Variants in ESR1 observed in about 807,000 individuals in gnomAD.
ESR1 encodes the protein estrogen receptor.
In ESR1, 12 loss-of-function variants were observed where a neutral mutation model predicts 52.7. That is an observed-to-expected ratio of 0.23 (90% confidence interval 0.15 to 0.37). The LOEUF (loss-of-function observed/expected upper bound fraction) is 0.37, where lower values mean the gene tolerates loss of function less well. Ranked by LOEUF, ESR1 falls within the 10% of genes least tolerant of loss-of-function variation. The pLI is 1.00. For missense variants in ESR1, 584 were observed against 779.7 expected (o/e 0.75, Z 2.99); for synonymous variants, 305 against 316.8 (o/e 0.96, Z 0.39).
chr6:152,104,517 T>G (rs1333008469), downstream of ESR1, among the ~76,000 whole-genome samples: 1 of 152,200 alleles, frequency 6.6e-6, no homozygotes, highest in African/African-American at 2.4e-5. Context: ...GATTTACATT[T>G]TTCACGTTAT....
chr6:151,763,573 C>T (rs1389775492), intron 2 of ESR1, among the ~76,000 whole-genome samples: 1 of 152,084 alleles, frequency 6.6e-6, no homozygotes, highest in Non-Finnish European at 1.5e-5. Flanking sequence ...GACGGTGTTG[C>T]CTACTGTGTT....
chr6:151,927,548 A>G (rs1167680105), intron 3 of ESR1, among the ~76,000 whole-genome samples: 1 of 152,166 alleles, frequency 6.6e-6, no homozygotes, highest in Admixed American at 6.5e-5. Flanking sequence ...TTATTTCTCC[A>G]TGTGTGAGTT....
intron 4 of ESR1, among the ~76,000 whole-genome samples, chr6:151,961,382 G>T (rs999439179): frequency 3.9e-5 from 6 of 152,092 alleles, no homozygotes; most frequent in Non-Finnish European, 8.8e-5. Flanking sequence ...GGTGAGAATT[G>T]ATAATTTTCC....
At chr6:151,769,505 G>A (rs1428427553) in intron 2 of ESR1, among the ~76,000 whole-genome samples, 2 of 152,134 alleles carry the variant, frequency 1.3e-5, no homozygotes, top group African/African-American at 4.8e-5. Flanking sequence ...ATGGTGAGTC[G>A]TGGAATGACA....
intron 2 of ESR1, among the ~76,000 whole-genome samples, chr6:151,849,990 A>AATTTTG (rs1288270553): frequency 9.0e-6 from 1 of 110,512 alleles, no homozygotes; most frequent in African/African-American, 3.6e-5. Context: ...ATATATATAT[A>AATTTTG]TATATATATA....
chr6:151,979,212 T>G (rs1005968263), intron 4 of ESR1, among the ~76,000 whole-genome samples: 4 of 152,172 alleles, frequency 2.6e-5, no homozygotes, highest in African/African-American at 9.7e-5. Flanking sequence ...GGTCCCATTT[T>G]GAGGCACTAG....
upstream of ESR1, among the ~76,000 whole-genome samples, chr6:151,806,756 A>C (rs1043773018): frequency 4.6e-5 from 7 of 152,052 alleles, no homozygotes; most frequent in African/African-American, 1.4e-4. Context: ...CCAGACCGAC[A>C]ATGTAACATA....
intron 2 of ESR1, among the ~76,000 whole-genome samples, chr6:151,728,779 C>T (rs1782028455): frequency 6.6e-6 from 1 of 152,106 alleles, no homozygotes; most frequent in Non-Finnish European, 1.5e-5. Flanking sequence ...CCCACTCTGC[C>T]TAGAAAACAC....
At chr6:152,104,742 C>T (rs1315219126), downstream of ESR1, among the ~76,000 whole-genome samples, 3 of 152,096 alleles carry the variant, frequency 2.0e-5, no homozygotes, top group South Asian at 4.2e-4. Context: ...CTCCCAAATC[C>T]CTTGGAATTT....
intron 2 of ESR1, among the ~76,000 whole-genome samples, chr6:151,776,536 T>C (rs1393028780): frequency 6.6e-6 from 1 of 152,168 alleles, no homozygotes; most frequent in African/African-American, 2.4e-5. Flanking sequence ...GAACGTTGCA[T>C]TCAGAAGACT....
At chr6:151,825,348 G>A (rs1056135426) in intron 1 of ESR1, among the ~76,000 whole-genome samples, 1 of 152,140 alleles carries the variant, frequency 6.6e-6, no homozygotes, top group African/African-American at 2.4e-5. Context: ...AGAAATCAGA[G>A]CTATGGTGTG....
chr6:151,721,110 G>A (rs1325326373), intron 2 of ESR1, among the ~76,000 whole-genome samples: 1 of 152,174 alleles, frequency 6.6e-6, no homozygotes, highest in Non-Finnish European at 1.5e-5. Context: ...AAAGGCACAA[G>A]AACTTAACTT....
chr6:152,069,867 G>C (rs531175993), intron 6 of ESR1, among the ~76,000 whole-genome samples: 1 of 137,394 alleles, frequency 7.3e-6, no homozygotes, highest in Non-Finnish European at 1.5e-5. Flanking sequence ...GGGACCTCTG[G>C]GCTGTAGGGT....
intron 2 of ESR1, among the ~76,000 whole-genome samples, chr6:151,797,431 T>C (rs1776818286): frequency 6.6e-6 from 1 of 152,214 alleles, no homozygotes; most frequent in Admixed American, 6.5e-5. Context: ...AACTTTTGGG[T>C]ATTTTACACT....
In ESR1 at chr6:151,928,396, C is replaced by T. The variant is rs376619789; in HGVS notation, c.761-15777C>T. ...TGATCACATAGCTGACTGAGAGCTGCGGCTTGCTGCTGCTGCCCAGCATTA... is the reference window on the plus strand; with the variant it reads ...TGATCACATAGCTGACTGAGAGCTGTGGCTTGCTGCTGCTGCCCAGCATTA... On this transcript the variant is annotated intron_variant, in intron 3 of 7. Transcript: ENST00000206249. 1.4e-4 allele frequency among the ~76,000 whole-genome samples: 22 copies of T among 152,298 alleles called. No homozygotes were observed. In the South Asian group the frequency reaches 1.9e-3, roughly 13 times the overall value.
chr6:152,088,086 C>T (rs2049884571), intron 6 of ESR1, among the ~76,000 whole-genome samples: 1 of 152,008 alleles, frequency 6.6e-6, no homozygotes, highest in Non-Finnish European at 1.5e-5. Context: ...TTTACCTGTA[C>T]ATATAATTAA....
chr6:151,871,635 T>C (rs2431259), intron 2 of ESR1, among the ~76,000 whole-genome samples: 104,187 of 151,960 alleles, frequency 0.69, 36,200 homozygotes, highest in Middle Eastern at 0.82. Flanking sequence ...TAACTCCTGA[T>C]CTCAGGTGAT....
chr6:151,778,311 G>C (rs964378997), intron 2 of ESR1, among the ~76,000 whole-genome samples: 1 of 152,132 alleles, frequency 6.6e-6, no homozygotes, highest in Non-Finnish European at 1.5e-5. Context: ...TCTGGAGATG[G>C]ACAATGGTGA....
intron 2 of ESR1, among the ~76,000 whole-genome samples, chr6:151,758,080 A>G (rs1160383867): frequency 1.3e-5 from 2 of 152,236 alleles, no homozygotes; most frequent in Non-Finnish European, 2.9e-5. Context: ...TGCAGGCCAT[A>G]TGAATTCTTT....
Sources: allele counts gnomAD v4.1 joint callset (sites outside exome capture counted in the v4.1 genomes callset), GRCh38; gene constraint gnomAD v4.1.1; transcripts MANE v1.5; gene names NCBI Gene and HGNC (gene_info 2026-07-23, HGNC 2026-07-21).